DPP6: variants seen among roughly 807,000 people sequenced by gnomAD.
DPP6 encodes A-type potassium channel modulatory protein DPP6.
DPP6 carries 69 observed loss-of-function variants against 122.6 expected under a neutral mutation model. The ratio of observed to expected loss-of-function variants is 0.56; its 90% CI spans 0.46 to 0.69. DPP6 has a LOEUF of 0.69. Among genes scored for constraint, DPP6 ranks in the 30% least tolerant of loss-of-function variants. The probability of loss-of-function intolerance (pLI) is 0.00; values close to 1 mark genes in which losing one functional copy is unlikely to be tolerated. For synonymous variants in DPP6, 418 were observed against 433.1 expected (o/e 0.97, Z 0.43); for missense variants, 928 against 1,116.9 (o/e 0.83, Z 2.41).
intron 1 of DPP6, among the ~76,000 whole-genome samples, chr7:154,165,515 T>G (rs1183871986): frequency 1.3e-5 from 2 of 151,364 alleles, no homozygotes. Context: ...CCTTTGGGTA[T>G]ATACCTAGTA....
chr7:153,856,832 G>C, the DPP6 span, among the ~76,000 whole-genome samples: 1 of 152,156 alleles, frequency 6.6e-6, no homozygotes, highest in East Asian at 1.9e-4. Flanking sequence ...AAAATAATAA[G>C]CAATGTGGGG....
intron 8 of DPP6, among the ~76,000 whole-genome samples, chr7:154,767,287 T>C (rs1207352133): frequency 2.6e-5 from 4 of 152,162 alleles, no homozygotes; most frequent in East Asian, 1.9e-4. Context: ...TCCAGCCCCA[T>C]TGGCCCCTTT....
intron 18 of DPP6, among the ~76,000 whole-genome samples, chr7:154,868,566 C>T (rs1036700247): frequency 3.9e-5 from 6 of 152,206 alleles, no homozygotes; most frequent in African/African-American, 1.4e-4. Flanking sequence ...CTGCCTTTCT[C>T]TGCCTGTGCC....
intron 1 of DPP6, among the ~76,000 whole-genome samples, chr7:154,259,919 C>G (rs185379788): frequency 5.3e-5 from 8 of 152,256 alleles, no homozygotes; most frequent in Admixed American, 5.2e-4. Context: ...GAGACGGGCA[C>G]CCAGTGAGCT....
At chr7:153,769,663 G>A in the DPP6 span, among the ~76,000 whole-genome samples, 2 of 152,180 alleles carry the variant, frequency 1.3e-5, no homozygotes, top group East Asian at 3.9e-4. Flanking sequence ...TCCAGTTTCT[G>A]CTCAGGAAGA....
intron 4 of DPP6, among the ~76,000 whole-genome samples, chr7:154,544,173 G>C (rs1304782758): frequency 6.9e-6 from 1 of 145,582 alleles, no homozygotes. Flanking sequence ...ATATATAGTG[G>C]GCTATTTCCT....
intron 1 of DPP6, among the ~76,000 whole-genome samples, chr7:154,071,950 C>T (rs1241518385): frequency 6.6e-6 from 1 of 152,206 alleles, no homozygotes; most frequent in Non-Finnish European, 1.5e-5. Flanking sequence ...CAAACAAATA[C>T]AATCCCCCTA....
intron 21 of DPP6, among the ~76,000 whole-genome samples, chr7:154,883,368 ACAC>A (rs1201732259): frequency 3.8e-4 from 56 of 146,580 alleles, no homozygotes; most frequent in Non-Finnish European, 6.7e-4. Flanking sequence ...ATGCTCACAC[ACAC>A]GATTACATAC....
chr7:154,889,561 C>A, intron 25 of DPP6, 31 bp downstream of exon 25: 2 of 1,586,556 alleles, frequency 1.3e-6, no homozygotes, highest in Non-Finnish European at 8.6e-7. Context: ...TGTTTTGAAC[C>A]TGGAGCAAGA....
At chr7:154,290,435 G>A (rs1805129865) in intron 1 of DPP6, among the ~76,000 whole-genome samples, 1 of 151,628 alleles carries the variant, frequency 6.6e-6, no homozygotes, top group Non-Finnish European at 1.5e-5. Context: ...TTCCCTTCGT[G>A]GATGGGCTCC....
At chr7:154,217,006 G>GAC (rs1294116091) in intron 1 of DPP6, among the ~76,000 whole-genome samples, 1 of 151,688 alleles carries the variant, frequency 6.6e-6, no homozygotes, top group African/African-American at 2.4e-5. Flanking sequence ...TCCATATTTA[G>GAC]ACACCCTTCC....
At chr7:154,655,496 A>G (rs1049082238) in intron 6 of DPP6, among the ~76,000 whole-genome samples, 1 of 152,176 alleles carries the variant, frequency 6.6e-6, no homozygotes, top group Admixed American at 6.5e-5. Context: ...CTGCTTTAAA[A>G]TAAAGGAATA....
the DPP6 span, among the ~76,000 whole-genome samples, chr7:153,828,693 A>G: frequency 5.9e-5 from 9 of 152,180 alleles, no homozygotes; most frequent in African/African-American, 2.2e-4. Flanking sequence ...CAAACTCTGG[A>G]TAGTGGGGCT....
At chr7:154,234,757 G>A (rs1163007992) in intron 1 of DPP6, among the ~76,000 whole-genome samples, 1 of 152,134 alleles carries the variant, frequency 6.6e-6, no homozygotes, top group Non-Finnish European at 1.5e-5. Context: ...GGTCCAACAG[G>A]TGCCATGCAA....
intron 1 of DPP6, among the ~76,000 whole-genome samples, chr7:154,108,522 C>A (rs1806330537): frequency 6.6e-6 from 1 of 152,168 alleles, no homozygotes; most frequent in African/African-American, 2.4e-5. Context: ...CTGGGACAAG[C>A]AGATATCCTT....
chr7:154,687,255 CT>C (rs1202836605), intron 7 of DPP6, among the ~76,000 whole-genome samples: 1 of 152,146 alleles, frequency 6.6e-6, no homozygotes, highest in Admixed American at 6.5e-5. Context: ...GTAATTGAGT[CT>C]TTTTCAGTTT....
intron 17 of DPP6, among the ~76,000 whole-genome samples, chr7:154,862,466 C>T (rs1803489540): frequency 6.6e-6 from 1 of 152,234 alleles, no homozygotes; most frequent in African/African-American, 2.4e-5. Context: ...GACTTCAGTC[C>T]AGCATTTGGG....
At chr7:154,079,471 A>G (rs534911693) in intron 1 of DPP6, among the ~76,000 whole-genome samples, 6 of 152,314 alleles carry the variant, frequency 3.9e-5, no homozygotes, top group Admixed American at 3.9e-4. Context: ...CTCACCCCGA[A>G]AACCCAAGAA....
At position 154,868,084 on chromosome 7, in the gene DPP6, G is replaced by A; in HGVS notation, c.1804G>A (p.Asp602Asn). Residue 602 changes from aspartate to asparagine, a missense_variant, in exon 18 of 26, where the codon GAT (aspartate) becomes AAT (asparagine). Asp to Asn is a conservative substitution (Grantham distance 23). Coordinates refer to ENST00000377770, the MANE Select transcript of DPP6 (RefSeq NM_130797.4). ...PKVEYRDIEI[D>N]DYNLPMQILK... ...AGTGGAATACAGGGACATTGAGATT[G>A]ATGATTACAGTAAGTACTACGTTTT... is the stretch of plus-strand genomic sequence containing the variant. 1 of 1,604,448 alleles carries A rather than the reference G, an allele frequency of 6.2e-7. No individual in the cohort carries two copies. The highest frequency in any genetic ancestry group is 8.5e-7 in the Non-Finnish European group (1 of 1,175,418).
Sources: gnomAD v4.1 joint callset for allele counts (sites outside exome capture counted in the v4.1 genomes callset) on GRCh38, gnomAD v4.1.1 for gene constraint, MANE v1.5 for transcripts, NCBI Gene and HGNC (gene_info 2026-07-23, HGNC 2026-07-21) for gene names.